ZER1: variants seen among roughly 807,000 people sequenced by gnomAD.
ZER1 encodes zyg-11 related cell cycle regulator.
A neutral mutation model predicts 78.8 loss-of-function variants in ZER1; 11 were observed. That is an observed-to-expected ratio of 0.14 (90% CI 0.09 to 0.23). ZER1 has a LOEUF of 0.23. ZER1 is among the 10% of genes least tolerant of loss of function. The probability of loss-of-function intolerance (pLI) is 1.00; values close to 1 mark genes in which losing one functional copy is unlikely to be tolerated. For synonymous variants in ZER1, 400 were observed against 407.0 expected (o/e 0.98, Z 0.21); for missense variants, 588 against 996.9 (o/e 0.59, Z 5.52).
rs767966733 is a variant in ZER1 at position 128,769,032 on chromosome 9, G to A, written c.-95+2549C>T. On this transcript the variant is annotated intron_variant, in intron 1 of 15. Transcript: ENST00000291900. ...TGGCCTCAAGCGATCCTCCCAAAGC[G>A]CTGGCAGTGCTGGGCTCTTTTTTAA... Among the ~76,000 whole-genome samples the A allele has an allele frequency of 2.6e-5, 4 of 151,904 alleles. No individual in the cohort carries two copies. In the East Asian group the frequency reaches 5.8e-4, roughly 22 times the overall value.
intron 14 of ZER1, among the ~76,000 whole-genome samples, chr9:128,734,965 A>C (rs1158015772): frequency 1.3e-5 from 2 of 152,012 alleles, no homozygotes; most frequent in Non-Finnish European, 2.9e-5. Context: ...ATCATAGGTC[A>C]TTGCAGCTGG....
At chr9:128,764,780 C>T (rs1482734308) in intron 1 of ZER1, among the ~76,000 whole-genome samples, 1 of 152,220 alleles carries the variant, frequency 6.6e-6, no homozygotes, top group Non-Finnish European at 1.5e-5. Flanking sequence ...CACAGGCCAT[C>T]TGGAATTCCA....
chr9:128,751,556 G>C lies in ZER1; in HGVS notation c.924-29C>G. ...GGGAAAGAGGGTGCCGGTGTCAGTG[G>C]CTTGGGACCCAGGCCTGAGCTGGGC... is the stretch of plus-strand genomic sequence containing the variant. On this transcript the variant is annotated intron_variant, in intron 5 of 15. Coordinates refer to ENST00000291900, the MANE Select transcript of ZER1 (RefSeq NM_006336.4). This position sits in a 1 kb window ranked among gnomAD's most constrained non-coding sequence, Gnocchi z 5.4. 6.3e-7 allele frequency: 1 copy of C among 1,599,668 alleles called. No individual in the cohort carries two copies. Among genetic ancestry groups the C allele is most frequent in the Non-Finnish European group, 8.5e-7 (1 of 1,172,388 alleles).
chr9:128,734,201 A>G (rs1164106254), intron 14 of ZER1, among the ~76,000 whole-genome samples: 1 of 114,488 alleles, frequency 8.7e-6, no homozygotes, highest in Admixed American at 1.1e-4. Flanking sequence ...TATAATAGAT[A>G]TAATTTTTTT....
At chr9:128,763,712 G>T (rs1172197625) in intron 1 of ZER1, among the ~76,000 whole-genome samples, 1 of 152,234 alleles carries the variant, frequency 6.6e-6, no homozygotes, top group Non-Finnish European at 1.5e-5. Flanking sequence ...TTCAGGCCAG[G>T]TGCAGTGGCT....
At chr9:128,768,632 T>C (rs1864288847) in intron 1 of ZER1, among the ~76,000 whole-genome samples, 2 of 152,134 alleles carry the variant, frequency 1.3e-5, no homozygotes, top group Admixed American at 1.3e-4. Flanking sequence ...GCTCTGACCT[T>C]TCATTTTCAA....
chr9:128,762,171 A>G (rs986949092), intron 1 of ZER1, among the ~76,000 whole-genome samples: 3 of 151,704 alleles, frequency 2.0e-5, no homozygotes, highest in Non-Finnish European at 4.4e-5. Context: ...CGTGTCGCCC[A>G]AGACAGTTCC....
At chr9:128,741,679 C>A (rs1426361144) in intron 10 of ZER1, 25 bp from the exon 11 acceptor site, 1 of 1,614,050 alleles carries the variant, frequency 6.2e-7, no homozygotes, top group African/African-American at 1.3e-5. Context: ...CAGGGCTCAG[C>A]CAAGGCTCCT....
chr9:128,743,718 C>A (rs1863384401), intron 8 of ZER1, among the ~76,000 whole-genome samples: 1 of 151,670 alleles, frequency 6.6e-6, no homozygotes, highest in Non-Finnish European at 1.5e-5. Flanking sequence ...CTGCACCTGG[C>A]CCCTGCTTTC....
rs752072673 is a variant in ZER1, at chr9:128,753,586, C to T, written c.324G>A (p.Leu108=). The T allele has an allele frequency of 1.2e-6, 2 of 1,613,234 alleles. No individual in the cohort carries two copies. The highest frequency in any genetic ancestry group is 2.2e-5 in the East Asian group (1 of 44,884). Reference sequence around the variant, plus strand: ...ACAGCTTCTCGCAGTTAGTCAGGTACAGCTCCACCAGGTCCTGGGAGTGGG... The same window carrying T: ...ACAGCTTCTCGCAGTTAGTCAGGTATAGCTCCACCAGGTCCTGGGAGTGGG... ...EAIRKQDLVE[L]YLTNCEKLSA... is the part of the protein sequence containing the mutation. The change falls in exon 4 of 16, where the codon CTG becomes CTA. Residue 108 remains leucine (L), a synonymous_variant. Transcript: ENST00000291900. The surrounding 1 kb of genome is among the most constrained non-coding windows in gnomAD (Gnocchi z 7.5).
chr9:128,761,545 C>T (rs1301840427), intron 1 of ZER1, among the ~76,000 whole-genome samples: 1 of 150,376 alleles, frequency 6.6e-6, no homozygotes, highest in Non-Finnish European at 1.5e-5. Context: ...CCTCGCCTCC[C>T]AAAATGGTGG....
rs113763873 is a variant in ZER1 at position 128,754,690 on chromosome 9, CTT to C, written c.158+716_158+717del. 4.2e-5 allele frequency among the ~76,000 whole-genome samples: 6 copies of C among 144,414 alleles called. No individual in the cohort carries two copies. Among genetic ancestry groups the C allele is most frequent in the Non-Finnish European group, 6.1e-5 (4 of 65,346 alleles). The allele number at this position is 144,414 out of a possible 152,430, so 94.7% of individuals were successfully genotyped here. A position where few individuals can be genotyped will look rare whatever the true frequency, so the allele number is the denominator to read the frequency against. The stretch of plus-strand genomic sequence containing the variant: ...TAATTTCCCTTCTGGGAATCTTTTT[CTT>C]TTTTTTTTTTTGGTAGAGACAAGGT... On this transcript the variant is annotated intron_variant, in intron 2 of 15. Transcript: ENST00000291900. This position sits in a 1 kb window ranked among gnomAD's most constrained non-coding sequence, Gnocchi z 4.3.
intron 13 of ZER1, among the ~76,000 whole-genome samples, chr9:128,738,542 C>T (rs183250736): frequency 0.037 from 5,519 of 147,418 alleles, 89 homozygotes; most frequent in Middle Eastern, 0.083. Flanking sequence ...CATGCCACCA[C>T]GCCCGGCTAA....
intron 7 of ZER1, 130 bp from the exon 8 acceptor site, chr9:128,750,919 G>C (rs1014273277): frequency 1.4e-6 from 2 of 1,440,214 alleles, no homozygotes; most frequent in East Asian, 2.3e-5. Flanking sequence ...AGTGGGGCCT[G>C]GGGAGCAGAC....
chr9:128,747,433 T>A (rs1342759785), intron 8 of ZER1, among the ~76,000 whole-genome samples: 4 of 152,116 alleles, frequency 2.6e-5, no homozygotes, highest in Admixed American at 1.3e-4. Flanking sequence ...CTCCACACAG[T>A]GGCCTCTCCC....
intron 14 of ZER1, among the ~76,000 whole-genome samples, chr9:128,735,027 G>A (rs938615752): frequency 6.6e-6 from 1 of 151,204 alleles, no homozygotes; most frequent in African/African-American, 2.4e-5. Flanking sequence ...AATAGCTGGT[G>A]TGCACCACTG....
rs1589523695 is a variant in ZER1, at chr9:128,742,852, GC to G, written c.1360-108del. On this transcript the variant is annotated intron_variant, in intron 8 of 15. Transcript: ENST00000291900. Reference sequence around the variant, plus strand: ...GCTCATCCAGAGTTGTGGCAGTCCAGCCCGGTTTTCTGGAAGAGGAGGCTAT... The same window carrying G: ...GCTCATCCAGAGTTGTGGCAGTCCAGCCGGTTTTCTGGAAGAGGAGGCTAT... The G allele has an allele frequency of 5.8e-6, 7 of 1,209,562 alleles. No individual in the cohort carries two copies. The East Asian group carries it at 1.8e-4, about 31-fold the overall frequency. 74.9% of individuals were successfully genotyped at this position (1,209,562 alleles called of 1,614,324 possible). A position where few individuals can be genotyped will look rare whatever the true frequency, so the allele number is the denominator to read the frequency against.
chr9:128,742,477 T>G (rs1589523274), intron 9 of ZER1, 53 bp downstream of exon 9: 2 of 1,594,792 alleles, frequency 1.3e-6, no homozygotes, highest in Non-Finnish European at 1.7e-6. Flanking sequence ...GGTAGAGGGG[T>G]GGGGGAGAGC....
At chr9:128,742,090 T>C (rs1863321420) in intron 9 of ZER1, among the ~76,000 whole-genome samples, 1 of 152,212 alleles carries the variant, frequency 6.6e-6, no homozygotes, top group Admixed American at 6.5e-5. Flanking sequence ...GGCACAGCCC[T>C]TCCCGCTGGG....
Sources: allele counts gnomAD v4.1 joint callset (sites outside exome capture counted in the v4.1 genomes callset), GRCh38; gene constraint gnomAD v4.1.1; non-coding constraint Gnocchi (gnomAD v3.1); transcripts MANE v1.5; gene names NCBI Gene and HGNC (gene_info 2026-07-23, HGNC 2026-07-21).